CNBD1: variants seen among roughly 807,000 people sequenced by gnomAD.
The protein encoded by CNBD1 is cyclic nucleotide-binding domain-containing protein 1.
CNBD1 carries 71 observed loss-of-function variants against 54.4 expected under a neutral mutation model. The observed-to-expected ratio is 1.30, with a 90% CI of 1.08 to 1.59. The LOEUF is 1.59. Ranked by LOEUF, CNBD1 falls within the 40% of genes most tolerant of loss-of-function variation. The probability of loss-of-function intolerance (pLI) is 0.00; values close to 1 mark genes in which losing one functional copy is unlikely to be tolerated. For synonymous variants in CNBD1, 182 were observed against 170.7 expected (o/e 1.07, Z -0.51); for missense variants, 659 against 518.0 (o/e 1.27, Z -2.64).
At chr8:87,107,595 C>CA (rs1442318406) in intron 4 of CNBD1, among the ~76,000 whole-genome samples, 2 of 152,218 alleles carry the variant, frequency 1.3e-5, no homozygotes, top group Non-Finnish European at 2.9e-5. Flanking sequence ...GAATATGTTT[C>CA]AGAAAGGTAG....
intron 1 of CNBD1, among the ~76,000 whole-genome samples, chr8:86,876,307 A>G (rs1808520037): frequency 6.6e-6 from 1 of 151,968 alleles, no homozygotes; most frequent in Non-Finnish European, 1.5e-5. Flanking sequence ...TGTCAAATAT[A>G]AGTAATATAC....
chr8:86,946,322 C>G (rs1046081912), intron 4 of CNBD1, among the ~76,000 whole-genome samples: 3 of 151,942 alleles, frequency 2.0e-5, no homozygotes, highest in Non-Finnish European at 2.9e-5. Flanking sequence ...TACAAAGTTG[C>G]CCGGAAAATT....
At chr8:87,410,473 A>G (rs1807723654) in intron 2 of CNBD1, among the ~76,000 whole-genome samples, 1 of 152,174 alleles carries the variant, frequency 6.6e-6, no homozygotes, top group African/African-American at 2.4e-5. Flanking sequence ...CTGCAATTTC[A>G]TAATAAAATT....
intron 5 of CNBD1, among the ~76,000 whole-genome samples, chr8:87,215,256 A>G (rs1317018049): frequency 6.6e-6 from 1 of 152,162 alleles, no homozygotes; most frequent in Admixed American, 6.5e-5. Context: ...CTGCTTTTAT[A>G]TGAAATCTCC....
At chr8:87,169,565 A>C (rs2915526) in intron 4 of CNBD1, among the ~76,000 whole-genome samples, 1 of 151,898 alleles carries the variant, frequency 6.6e-6, no homozygotes, top group Non-Finnish European at 1.5e-5. Context: ...TCTTCAACCT[A>C]TTTTGATTTT....
chr8:87,405,182 AT>A (rs1379768524), intron 2 of CNBD1, among the ~76,000 whole-genome samples: 1 of 152,088 alleles, frequency 6.6e-6, no homozygotes, highest in Non-Finnish European at 1.5e-5. Context: ...AAAAAAATAA[AT>A]TTAGGCTTTG....
At chr8:87,172,661 A>T (rs1026164054) in intron 4 of CNBD1, among the ~76,000 whole-genome samples, 35 of 151,908 alleles carry the variant, frequency 2.3e-4, no homozygotes, top group African/African-American at 8.2e-4. Flanking sequence ...TTGTCTTAAA[A>T]TTTATTTTGT....
At chr8:87,240,725 CA>C (rs1044540684) in intron 6 of CNBD1, among the ~76,000 whole-genome samples, 1 of 152,086 alleles carries the variant, frequency 6.6e-6, no homozygotes, top group Non-Finnish European at 1.5e-5. Context: ...GAATTAAAGG[CA>C]AAATGGTAAT....
chr8:87,060,127 G>T (rs1810512022), intron 4 of CNBD1, among the ~76,000 whole-genome samples: 2 of 152,180 alleles, frequency 1.3e-5, no homozygotes, highest in African/African-American at 4.8e-5. Flanking sequence ...AATGAATCTG[G>T]AAGTGTAGTT....
chr8:87,277,104 A>G (rs540796406), intron 6 of CNBD1, among the ~76,000 whole-genome samples: 3 of 151,652 alleles, frequency 2.0e-5, no homozygotes. Context: ...TCATATATGT[A>G]TATGTATAGA....
At chr8:87,265,080 C>G (rs1380419698) in intron 6 of CNBD1, among the ~76,000 whole-genome samples, 1 of 152,092 alleles carries the variant, frequency 6.6e-6, no homozygotes. Context: ...TTGCCCATGC[C>G]TATGTCCTGA....
chr8:87,184,723 G>C (rs929716397), intron 4 of CNBD1, among the ~76,000 whole-genome samples: 3 of 151,948 alleles, frequency 2.0e-5, no homozygotes, highest in Non-Finnish European at 4.4e-5. Flanking sequence ...TCAGCCTCCG[G>C]GTCTACATCC....
At chr8:87,136,513 TTTATA>T (rs910522180) in intron 4 of CNBD1, among the ~76,000 whole-genome samples, 1 of 125,302 alleles carries the variant, frequency 8.0e-6, no homozygotes, top group East Asian at 2.1e-4. Flanking sequence ...CTTCCTTATT[TTTATA>T]TTATATATAA....
At chr8:87,303,898 A>C (rs1261059952) in intron 8 of CNBD1, among the ~76,000 whole-genome samples, 2 of 152,218 alleles carry the variant, frequency 1.3e-5, no homozygotes, top group African/African-American at 4.8e-5. Context: ...GCTCACCATC[A>C]CTGGCCATCA....
chr8:87,131,058 T>C (rs1387113669), intron 4 of CNBD1, among the ~76,000 whole-genome samples: 2 of 152,128 alleles, frequency 1.3e-5, no homozygotes, highest in Non-Finnish European at 2.9e-5. Flanking sequence ...TCTTTTCCTT[T>C]TAATCTATCT....
chr8:87,055,987 C>G (rs1482424851), intron 4 of CNBD1, among the ~76,000 whole-genome samples: 1 of 150,292 alleles, frequency 6.7e-6, no homozygotes, highest in Non-Finnish European at 1.5e-5. Flanking sequence ...ATAATGAGAA[C>G]AACTATAGGT....
intron 8 of CNBD1, among the ~76,000 whole-genome samples, chr8:87,302,031 G>A (rs1355948078): frequency 4.6e-5 from 7 of 152,088 alleles, no homozygotes; most frequent in South Asian, 2.1e-4. Context: ...AGGACCAGAC[G>A]GATTCACAGC....
At chr8:87,313,271 G>T (rs1809307441) in intron 8 of CNBD1, among the ~76,000 whole-genome samples, 1 of 151,992 alleles carries the variant, frequency 6.6e-6, no homozygotes, top group Non-Finnish European at 1.5e-5. Context: ...GACTTATTTG[G>T]AGAAAATATT....
At chr8:87,405,535 G>T (rs1468940134) in intron 2 of CNBD1, among the ~76,000 whole-genome samples, 1 of 151,962 alleles carries the variant, frequency 6.6e-6, no homozygotes, top group Non-Finnish European at 1.5e-5. Flanking sequence ...ATTCGTAAGT[G>T]GTTTATTACT....
Sources: allele counts gnomAD v4.1 joint callset (sites outside exome capture counted in the v4.1 genomes callset), GRCh38; gene constraint gnomAD v4.1.1; transcripts MANE v1.5; gene names NCBI Gene and HGNC (gene_info 2026-07-23, HGNC 2026-07-21).